The following DNAH14 variants were observed in gnomAD, a reference collection of about 807,000 sequenced individuals.
DNAH14 encodes the protein dynein axonemal heavy chain 14.
In DNAH14, 478 loss-of-function variants were observed where a neutral mutation model predicts 520.9. That is an observed-to-expected ratio of 0.92 (90% CI 0.85 to 0.99). The LOEUF (loss-of-function observed/expected upper bound fraction) is 0.99. Among genes scored for constraint, DNAH14 ranks in the 50% least tolerant of loss-of-function variants. The pLI is 0.00. For synonymous variants in DNAH14, 1,581 were observed against 1,757.2 expected (o/e 0.90, Z 2.51); for missense variants, 4,831 against 5,234.5 (o/e 0.92, Z 2.38).
intron 36 of DNAH14, among the ~76,000 whole-genome samples, chr1:225,178,479 G>T (rs1246471433): frequency 1.3e-5 from 2 of 152,058 alleles, no homozygotes; most frequent in African/African-American, 4.8e-5. Context: ...GCCTCCTCTG[G>T]GTCCCTCCCG....
chr1:225,324,916 A>C (rs1041488347), intron 64 of DNAH14, 84 bp downstream of exon 64: 2 of 990,092 alleles, frequency 2.0e-6, no homozygotes. Flanking sequence ...AGTTTCAGAT[A>C]AGATGGAAAT....
intron 17 of DNAH14, among the ~76,000 whole-genome samples, chr1:225,062,873 G>C (rs898656750): frequency 1.3e-5 from 2 of 151,982 alleles, no homozygotes; most frequent in African/African-American, 4.8e-5. Flanking sequence ...AAAAATGAAA[G>C]ACAACACTCT....
Position 225,097,098 on chromosome 1 carries a change from A to T in DNAH14, c.3574-20A>T. 1 of 1,529,552 alleles carries T rather than the reference A, an allele frequency of 6.5e-7. No homozygotes were observed. Among genetic ancestry groups the T allele is most frequent in the South Asian group, 1.2e-5 (1 of 80,462 alleles). 94.7% of individuals were successfully genotyped at this position (1,529,552 alleles called of 1,614,324 possible). On this transcript the variant is annotated intron_variant, in intron 21 of 85. Transcript: ENST00000682510. ...TTTATATATTTAGATTTGTATGTGT[A>T]TATGTTTTTATCATTGTAGGATCTT... is the stretch of plus-strand genomic sequence containing the variant.
intron 41 of DNAH14, among the ~76,000 whole-genome samples, chr1:225,211,979 C>T (rs1472320197): frequency 6.6e-6 from 1 of 151,558 alleles, no homozygotes; most frequent in Non-Finnish European, 1.5e-5. Context: ...CGTATGTATA[C>T]ATGTGCCTTG....
intron 1 of DNAH14, among the ~76,000 whole-genome samples, chr1:224,937,264 A>T (rs1018987346): frequency 6.6e-6 from 1 of 152,056 alleles, no homozygotes; most frequent in Admixed American, 6.5e-5. Flanking sequence ...AAATCAGATT[A>T]ACCTTGTTTG....
At chr1:225,368,284 A>G (rs1338367132) in intron 77 of DNAH14, among the ~76,000 whole-genome samples, 1 of 152,198 alleles carries the variant, frequency 6.6e-6, no homozygotes. Flanking sequence ...TCAGAGTCTT[A>G]GTTTCCTTGG....
At chr1:225,248,450 T>C (rs1289883284) in intron 43 of DNAH14, among the ~76,000 whole-genome samples, 4 of 152,024 alleles carry the variant, frequency 2.6e-5, no homozygotes, top group Non-Finnish European at 5.9e-5. Context: ...TTTGTTGTGT[T>C]TGAGAATAGT....
chr1:225,357,475 CG>C (rs2095442902), intron 73 of DNAH14, among the ~76,000 whole-genome samples: 2 of 152,082 alleles, frequency 1.3e-5, no homozygotes, highest in South Asian at 2.1e-4. Context: ...GTGATGGTAT[CG>C]GGGAAACACC....
At chr1:225,214,081 C>T (rs769172545) in intron 41 of DNAH14, among the ~76,000 whole-genome samples, 85 of 152,002 alleles carry the variant, frequency 5.6e-4, no homozygotes, top group Non-Finnish European at 9.6e-4. Flanking sequence ...AGATACATCC[C>T]GTCAATACCT....
At chr1:225,052,911 A>G (rs763604141) in intron 17 of DNAH14, among the ~76,000 whole-genome samples, 2 of 152,190 alleles carry the variant, frequency 1.3e-5, no homozygotes, top group African/African-American at 2.4e-5. Context: ...TCACGAAGCC[A>G]TCAGGGACAT....
intron 9 of DNAH14, among the ~76,000 whole-genome samples, chr1:225,006,832 TC>T (rs1047029315): frequency 2.3e-4 from 35 of 152,088 alleles, no homozygotes; most frequent in African/African-American, 8.5e-4. Context: ...ATTCGTACAC[TC>T]CCTCCCCTTT....
chr1:225,011,758 C>CTTTTTTT lies in DNAH14; in HGVS notation c.1107+4236_1107+4242dup, dbSNP rs200216236. Among the ~76,000 whole-genome samples, 9 of 82,136 alleles carry CTTTTTTT rather than the reference C, an allele frequency of 1.1e-4. 1 individual carries two copies. The highest frequency in any genetic ancestry group is 4.8e-4 in the African/African-American group (8 of 16,782). The allele number at this position is 82,136 out of a possible 152,430, so 53.9% of individuals were successfully genotyped here. On this transcript the variant is annotated intron_variant, in intron 10 of 85. Coordinates refer to ENST00000682510, the MANE Select transcript of DNAH14 (RefSeq NM_001367479.1). ...TCAGATGCGAGGAATGCAACCTCTG[C>CTTTTTTT]TTTTTTTTTTTTTTTTTTTTTTTTT...
At chr1:224,955,511 A>T (rs2060455381) in intron 3 of DNAH14, among the ~76,000 whole-genome samples, 1 of 151,870 alleles carries the variant, frequency 6.6e-6, no homozygotes, top group East Asian at 1.9e-4. Context: ...TCCCTCACAT[A>T]CTTCCATTTT....
At chr1:225,076,985 G>T (rs1406219946) in intron 17 of DNAH14, among the ~76,000 whole-genome samples, 1 of 151,684 alleles carries the variant, frequency 6.6e-6, no homozygotes, top group Non-Finnish European at 1.5e-5. Flanking sequence ...GATGTTCCCT[G>T]CCCTGTGTCC....
chr1:225,398,889 CTT>C lies in DNAH14; in HGVS notation c.13639-163_13639-162del, dbSNP rs559028965. Among the ~76,000 whole-genome samples the C allele has an allele frequency of 3.7e-3, 561 of 152,296 alleles. 1 individual carries two copies. The highest frequency in any genetic ancestry group is 0.013 in the African/African-American group (538 of 41,562). On this transcript the variant is annotated intron_variant, in intron 85 of 85. Coordinates refer to ENST00000682510, the MANE Select transcript of DNAH14 (RefSeq NM_001367479.1). ...ATATGTACTATAAAGCCATAATACT[CTT>C]TAAATTCTCCAGGTATAATTTCCAC...
chr1:225,189,840 G>A (rs7546749), intron 37 of DNAH14, among the ~76,000 whole-genome samples: 1 of 151,826 alleles, frequency 6.6e-6, no homozygotes, highest in Non-Finnish European at 1.5e-5. Flanking sequence ...TCTATGTCTT[G>A]TATCTTTTTT....
chr1:225,133,718 TG>T (rs1425544154), intron 27 of DNAH14, among the ~76,000 whole-genome samples: 5 of 152,232 alleles, frequency 3.3e-5, no homozygotes, highest in African/African-American at 7.2e-5. Flanking sequence ...GGCTCTTTTT[TG>T]GTTCCATATG....
chr1:224,984,776 GAA>G (rs922432749), intron 8 of DNAH14, among the ~76,000 whole-genome samples: 15 of 151,688 alleles, frequency 9.9e-5, no homozygotes, highest in African/African-American at 3.4e-4. Flanking sequence ...ATCAGTAAGA[GAA>G]AAAACAATCC....
chr1:225,045,618 G>T (rs1224174084), intron 15 of DNAH14, among the ~76,000 whole-genome samples: 1 of 151,992 alleles, frequency 6.6e-6, no homozygotes, highest in Non-Finnish European at 1.5e-5. Flanking sequence ...ATCAGTTTTG[G>T]ATTGTCTGAT....
Sources: allele counts gnomAD v4.1 joint callset (sites outside exome capture counted in the v4.1 genomes callset), GRCh38; gene constraint gnomAD v4.1.1; transcripts MANE v1.5; gene names NCBI Gene and HGNC (gene_info 2026-07-23, HGNC 2026-07-21).